EDN3: variants seen among roughly 807,000 people sequenced by gnomAD.
EDN3 encodes the protein endothelin 3, also known as endothelin-3.
In EDN3, 9 loss-of-function variants were observed where a neutral mutation model predicts 21.4. The observed-to-expected ratio is 0.42, with a 90% CI of 0.25 to 0.73. The LOEUF is 0.73. Ranked by LOEUF, EDN3 falls within the 30% of genes least tolerant of loss-of-function variation. EDN3 has a pLI of 0.26. For synonymous variants in EDN3, 133 were observed against 126.2 expected (o/e 1.05, Z -0.36); for missense variants, 327 against 309.4 (o/e 1.06, Z -0.43).
chr20:59,302,742 G>C (rs760261651), intron 2 of EDN3, among the ~76,000 whole-genome samples: 1 of 152,106 alleles, frequency 6.6e-6, no homozygotes, highest in Non-Finnish European at 1.5e-5. Flanking sequence ...AGAGATGGTT[G>C]TGAATGCAAG....
intron 2 of EDN3, among the ~76,000 whole-genome samples, chr20:59,310,690 G>A (rs941991277): frequency 6.6e-6 from 1 of 152,164 alleles, no homozygotes; most frequent in Non-Finnish European, 1.5e-5. Context: ...CAGTCAGGGA[G>A]GCCTGGTCCC....
At chr20:59,302,786 G>A (rs1049455593) in intron 2 of EDN3, among the ~76,000 whole-genome samples, 5 of 152,118 alleles carry the variant, frequency 3.3e-5, no homozygotes, top group African/African-American at 7.2e-5. Context: ...CTTTGCCACC[G>A]TGTCCCGGAG....
At position 59,324,568 on chromosome 20, in the gene EDN3, C is replaced by G; in HGVS notation, c.*109C>G. The stretch of plus-strand genomic sequence containing the variant: ...AGAAGTGAATTTGCCTGGGGCAGAA[C>G]ACCCACCCAAAGAGTCCCCACTTAA... On this transcript the variant is annotated 3_prime_UTR_variant, in exon 5 of 5. Coordinates refer to ENST00000337938, the MANE Select transcript of EDN3 (RefSeq NM_207034.3). 1 of 1,505,168 alleles carries G rather than the reference C, an allele frequency of 6.6e-7. No individual in the cohort carries two copies. The highest frequency in any genetic ancestry group is 1.1e-5 in the South Asian group (1 of 87,700). The allele number at this position is 1,505,168 out of a possible 1,614,324, so 93.2% of individuals were successfully genotyped here. A position where few individuals can be genotyped will look rare whatever the true frequency, so the allele number is the denominator to read the frequency against.
chr20:59,314,787 G>A (rs988922537), intron 2 of EDN3, among the ~76,000 whole-genome samples: 3 of 152,122 alleles, frequency 2.0e-5, no homozygotes, highest in Admixed American at 6.5e-5. Flanking sequence ...TGCTGGCCTC[G>A]GGCTCCAGAG....
chr20:59,311,563 G>A (rs983050798), intron 2 of EDN3, among the ~76,000 whole-genome samples: 5 of 152,034 alleles, frequency 3.3e-5, no homozygotes, highest in African/African-American at 1.2e-4. Flanking sequence ...GTGTCTTTTA[G>A]TGGCTAATGC....
At position 59,301,737 on chromosome 20, in the gene EDN3, T is replaced by G. The variant is rs750432400; in HGVS notation, c.365+15T>G. On this transcript the variant is annotated intron_variant, in intron 2 of 4. Transcript: ENST00000337938. ...AACACTCCCGAGTAAGTCAGCCTTTTGTGGTGAGGAACGTGGCTCCCGGAC... is the reference window on the plus strand; with the variant it reads ...AACACTCCCGAGTAAGTCAGCCTTTGGTGGTGAGGAACGTGGCTCCCGGAC... 6.2e-7 allele frequency: 1 copy of G among 1,614,016 alleles called. No homozygotes were observed. Among genetic ancestry groups the G allele is most frequent in the Non-Finnish European group, 8.5e-7 (1 of 1,179,858 alleles).
Position 59,316,394 on chromosome 20 carries a change from G to C in EDN3, c.366-4623G>C, listed in dbSNP as rs376417736. On this transcript the variant is annotated intron_variant, in intron 2 of 4. Coordinates refer to ENST00000337938, the MANE Select transcript of EDN3 (RefSeq NM_207034.3). ...ATTTGTTGAATGCTATTCAGTTGTG[G>C]GGGGTGGAATAAAAACTGGGTTTTC... Among the ~76,000 whole-genome samples the C allele has an allele frequency of 7.9e-5, 12 of 152,326 alleles. No homozygotes were observed. In the East Asian group the frequency reaches 2.3e-3, roughly 29 times the overall value.
chr20:59,314,491 T>A (rs997004211), intron 2 of EDN3, among the ~76,000 whole-genome samples: 1 of 151,810 alleles, frequency 6.6e-6, no homozygotes, highest in Non-Finnish European at 1.5e-5. Flanking sequence ...AGGAGAGGTG[T>A]TAGGACAGGA....
intron 2 of EDN3, among the ~76,000 whole-genome samples, chr20:59,317,592 C>T (rs1424816330): frequency 2.0e-5 from 3 of 152,204 alleles, no homozygotes; most frequent in African/African-American, 7.2e-5. Flanking sequence ...CCTGTACCTA[C>T]TGGCCTTTTT....
Position 59,301,614 on chromosome 20 carries a change from AG to A in EDN3, c.262del (p.Ala88ProfsTer121). On this transcript the variant is annotated frameshift_variant, in exon 2 of 5. Coordinates refer to ENST00000337938, the MANE Select transcript of EDN3 (RefSeq NM_207034.3). LOFTEE classifies it high-confidence loss of function. The part of the protein sequence containing the change: ...PGSPGQEQAA[E>X]GAPEHHRSRR... ...AGCCCTGGGCAGGAGCAGGCGGCCGAGGGGGCCCCTGAGCACCACCGATCCA... is the reference window on the plus strand; with the variant it reads ...AGCCCTGGGCAGGAGCAGGCGGCCGAGGGGCCCCTGAGCACCACCGATCCA... The A allele has an allele frequency of 1.2e-6, 2 of 1,614,042 alleles. No homozygotes were observed. The highest frequency in any genetic ancestry group is 1.7e-6 in the Non-Finnish European group (2 of 1,179,976).
In EDN3 at chr20:59,322,334, G is replaced by A. The variant is rs1363351372; in HGVS notation, c.543-38G>A. The A allele has an allele frequency of 4.3e-6, 7 of 1,613,096 alleles. No individual in the cohort carries two copies. Among genetic ancestry groups the A allele is most frequent in the Non-Finnish European group, 5.9e-6 (7 of 1,179,186 alleles). ...CACCGAAAAACCAGCCACAGGGAAA[G>A]GCAGGTTGATTGATTAAAACCAGCT... On this transcript the variant is annotated intron_variant, in intron 3 of 4. Transcript: ENST00000337938. The surrounding 1 kb of genome is among the most constrained non-coding windows in gnomAD (Gnocchi z 4.1).
intron 2 of EDN3, among the ~76,000 whole-genome samples, chr20:59,307,416 T>A (rs935404072): frequency 1.3e-5 from 2 of 152,210 alleles, no homozygotes; most frequent in Non-Finnish European, 2.9e-5. Flanking sequence ...CGGAGTCAGT[T>A]GGCCAAGGTT....
In EDN3 at chr20:59,324,638, C is replaced by T; in HGVS notation, c.*179C>T. 3.7e-6 allele frequency: 3 copies of T among 806,432 alleles called. No individual in the cohort carries two copies. The highest frequency in any genetic ancestry group is 2.2e-5 in the Admixed American group (1 of 45,098). The allele number at this position is 806,432 out of a possible 1,614,324, so 50.0% of individuals were successfully genotyped here. A position where few individuals can be genotyped will look rare whatever the true frequency, so the allele number is the denominator to read the frequency against. Reference sequence around the variant, plus strand: ...CAAGAATGCCCAAATCCGAATGACCCCAGTTTTCCTAATGAGTAAAATGAT... The same window carrying T: ...CAAGAATGCCCAAATCCGAATGACCTCAGTTTTCCTAATGAGTAAAATGAT... On this transcript the variant is annotated 3_prime_UTR_variant, in exon 5 of 5. Transcript: ENST00000337938.
intron 2 of EDN3, 118 bp downstream of exon 2, chr20:59,301,840 C>T: frequency 1.6e-6 from 2 of 1,214,726 alleles, no homozygotes; most frequent in Non-Finnish European, 2.4e-6. Context: ...CCTGCCCTGG[C>T]ACAGCCTTTA....
intron 2 of EDN3, among the ~76,000 whole-genome samples, chr20:59,318,652 G>T (rs11570329): frequency 2.0e-5 from 3 of 152,234 alleles, no homozygotes; most frequent in African/African-American, 7.2e-5. Flanking sequence ...GGAGGGGGCC[G>T]TGCCTCTCTA....
chr20:59,316,310 AC>A (rs1990183296), intron 2 of EDN3, among the ~76,000 whole-genome samples: 1 of 152,258 alleles, frequency 6.6e-6, no homozygotes, highest in Non-Finnish European at 1.5e-5. Context: ...GTCTGTCTTT[AC>A]ATAAGTTTTA....
At chr20:59,319,734 AAAAAAAAAG>A (rs1197432149) in intron 2 of EDN3, among the ~76,000 whole-genome samples, 61 of 151,562 alleles carry the variant, frequency 4.0e-4, no homozygotes, top group Admixed American at 1.9e-3. Flanking sequence ...CTCAAAAAAA[AAAAAAAAAG>A]AAAAAAAAGA....
At chr20:59,311,614 G>T (rs563925854) in intron 2 of EDN3, among the ~76,000 whole-genome samples, 1 of 151,546 alleles carries the variant, frequency 6.6e-6, no homozygotes, top group South Asian at 2.1e-4. Flanking sequence ...ACAACAGAAG[G>T]TCACTTGGGT....
At chr20:59,310,085 A>G (rs1989699697) in intron 2 of EDN3, among the ~76,000 whole-genome samples, 2 of 152,220 alleles carry the variant, frequency 1.3e-5, no homozygotes, top group Admixed American at 1.3e-4. Context: ...GTGTCTGGTC[A>G]TGTTTGTTCC....
Sources: gnomAD v4.1 joint callset for allele counts (sites outside exome capture counted in the v4.1 genomes callset) on GRCh38, gnomAD v4.1.1 for gene constraint, Gnocchi (gnomAD v3.1) non-coding constraint, MANE v1.5 for transcripts, NCBI Gene and HGNC (gene_info 2026-07-23, HGNC 2026-07-21) for gene names.